Variants in ZFHX3 observed in about 807,000 individuals in gnomAD.
ZFHX3 encodes the protein zinc finger homeobox 3, also known as zinc finger homeobox protein 3.
Under a neutral mutation model 279.1 loss-of-function variants are expected in ZFHX3, and 42 were observed. That is an observed-to-expected ratio of 0.15 (90% confidence interval 0.12 to 0.19). The LOEUF is 0.19. Ranked by LOEUF, ZFHX3 falls within the 10% of genes least tolerant of loss-of-function variation. ZFHX3 has a pLI of 1.00. For synonymous variants in ZFHX3, 2,293 were observed against 1,957.8 expected, an observed-to-expected ratio of 1.17 and a Z score of -4.52; for missense variants, 4,981 against 4,754.0, an observed-to-expected ratio of 1.05 and a Z score of -1.40.
chr16:73,874,793 G>C lies in ZFHX3; in HGVS notation c.-1608+16858C>G, dbSNP rs1390232716. Among the ~76,000 whole-genome samples the C allele has an allele frequency of 3.3e-5, 5 of 151,940 alleles. No individual in the cohort carries two copies. The East Asian group carries it at 7.7e-4, about 23-fold the overall frequency. On this transcript the variant is annotated intron_variant, in intron 1 of 17. Coordinates refer to the ZFHX3 transcript ENST00000641206. ...CATATTATCCTGCCTTTCTGTTTAG[G>C]GTAGATTAAAGAATTTTTATAAAGA...
intron 1 of ZFHX3, among the ~76,000 whole-genome samples, chr16:73,022,974 T>C (rs1184883877): frequency 6.6e-6 from 1 of 152,170 alleles, no homozygotes; most frequent in East Asian, 1.9e-4. Flanking sequence ...ACGCCTGTAA[T>C]CCCAGCACTC....
At chr16:73,889,506 A>G (rs2030458391) in intron 1 of ZFHX3, among the ~76,000 whole-genome samples, 2 of 152,214 alleles carry the variant, frequency 1.3e-5, no homozygotes, top group African/African-American at 4.8e-5. Flanking sequence ...ATGTGATGAC[A>G]GAGAATGGAA....
intron 2 of ZFHX3, among the ~76,000 whole-genome samples, chr16:73,612,973 T>C (rs2052262743): frequency 6.6e-6 from 1 of 152,182 alleles, no homozygotes; most frequent in Admixed American, 6.6e-5. Context: ...CCATATACTT[T>C]ATTATTCATT....
intron 6 of ZFHX3, chr16:73,143,746 A>C (rs1966853554): frequency 1.5e-6 from 2 of 1,303,686 alleles, no homozygotes; most frequent in Non-Finnish European, 2.0e-6. Context: ...GAAAGCTGGA[A>C]CTCACCTCTC....
chr16:73,648,106 T>A (rs1009463761), intron 2 of ZFHX3, among the ~76,000 whole-genome samples: 8 of 152,196 alleles, frequency 5.3e-5, no homozygotes, highest in Non-Finnish European at 8.8e-5. Context: ...AAATTTAAAA[T>A]ACACACACCC....
At chr16:72,813,614 G>A (rs201187507) in intron 5 of ZFHX3, among the ~76,000 whole-genome samples, 3 of 152,220 alleles carry the variant, frequency 2.0e-5, no homozygotes, top group South Asian at 2.1e-4. Context: ...GTACAAGGAC[G>A]AGCATATTAC....
chr16:73,741,521 G>A (rs1283328733), intron 1 of ZFHX3, among the ~76,000 whole-genome samples: 1 of 152,102 alleles, frequency 6.6e-6, no homozygotes, highest in Non-Finnish European at 1.5e-5. Flanking sequence ...GAAATTGTCC[G>A]GGTGTTTTCT....
intron 3 of ZFHX3, among the ~76,000 whole-genome samples, chr16:73,328,064 T>C (rs543403295): frequency 6.6e-6 from 1 of 152,220 alleles, no homozygotes; most frequent in Non-Finnish European, 1.5e-5. Flanking sequence ...TTTTTAAATT[T>C]AATTTAATTT....
At chr16:73,782,225 G>A (rs1959495518) in intron 1 of ZFHX3, among the ~76,000 whole-genome samples, 1 of 152,154 alleles carries the variant, frequency 6.6e-6, no homozygotes, top group Non-Finnish European at 1.5e-5. Flanking sequence ...GAGAGATAAA[G>A]CTTGAGCCTC....
At chr16:73,127,438 C>G (rs1966588992) in intron 7 of ZFHX3, 1 of 1,305,392 alleles carries the variant, frequency 7.7e-7, no homozygotes, top group African/African-American at 1.5e-5. Context: ...CATCTCTGTT[C>G]CGGAACTGAG....
At chr16:73,248,704 C>A (rs117569697) in intron 5 of ZFHX3, among the ~76,000 whole-genome samples, 2 of 151,878 alleles carry the variant, frequency 1.3e-5, no homozygotes, top group Non-Finnish European at 2.9e-5. Flanking sequence ...GGAGGCTATA[C>A]TGGATGTCTC....
intron 2 of ZFHX3, among the ~76,000 whole-genome samples, chr16:73,536,289 T>C (rs2019900515): frequency 6.6e-6 from 1 of 152,210 alleles, no homozygotes; most frequent in Non-Finnish European, 1.5e-5. Flanking sequence ...AGAAAAAATA[T>C]AATTTTAAAA....
intron 3 of ZFHX3, among the ~76,000 whole-genome samples, chr16:72,920,828 T>C (rs1229893316): frequency 6.6e-6 from 1 of 151,512 alleles, no homozygotes; most frequent in Non-Finnish European, 1.5e-5. Flanking sequence ...TCAGCACTTT[T>C]GGAGGCCAAG....
intron 1 of ZFHX3, among the ~76,000 whole-genome samples, chr16:73,735,625 C>T (rs1422358005): frequency 1.3e-5 from 2 of 152,140 alleles, no homozygotes; most frequent in Non-Finnish European, 2.9e-5. Flanking sequence ...ACCACTATCA[C>T]CAAACAATGA....
chr16:73,431,645 T>A (rs2017914003), intron 3 of ZFHX3, among the ~76,000 whole-genome samples: 1 of 152,228 alleles, frequency 6.6e-6, no homozygotes, highest in Admixed American at 6.5e-5. Context: ...TAATCCCAGT[T>A]TTTATTATTT....
In ZFHX3 at chr16:73,831,931, C is replaced by G. The variant is rs1453933468; in HGVS notation, c.-1608+59720G>C. Among the ~76,000 whole-genome samples, 3 of 152,192 alleles carry G rather than the reference C, an allele frequency of 2.0e-5. No individual in the cohort carries two copies. In the East Asian group the frequency reaches 5.8e-4, roughly 29 times the overall value. ...TTTTTTTGTTTTTGAAATGGAGTCTCTCTCTGTCACCCAGGCTGGAGTGCA... is the reference window on the plus strand; with the variant it reads ...TTTTTTTGTTTTTGAAATGGAGTCTGTCTCTGTCACCCAGGCTGGAGTGCA... On this transcript the variant is annotated intron_variant, in intron 1 of 17. Coordinates refer to the ZFHX3 transcript ENST00000641206.
chr16:73,293,276 G>A (rs2014820636), intron 4 of ZFHX3, among the ~76,000 whole-genome samples: 1 of 152,134 alleles, frequency 6.6e-6, no homozygotes, highest in South Asian at 2.1e-4. Flanking sequence ...AAGAGGCTAT[G>A]AAGGAGACTC....
intron 2 of ZFHX3, among the ~76,000 whole-genome samples, chr16:73,599,782 A>G (rs1046938070): frequency 2.6e-5 from 4 of 152,046 alleles, no homozygotes; most frequent in African/African-American, 7.2e-5. Context: ...ACTGGTGAAT[A>G]CACTTCCACC....
At chr16:73,055,694 G>GCACACA (rs753027373) in intron 1 of ZFHX3, among the ~76,000 whole-genome samples, 1,431 of 138,086 alleles carry the variant, frequency 0.01, 12 homozygotes, top group Non-Finnish European at 0.015. Context: ...GCGCGCGCGC[G>GCACACA]CGCGCACACA....
Sources: allele counts gnomAD v4.1 joint callset (sites outside exome capture counted in the v4.1 genomes callset), GRCh38; gene constraint gnomAD v4.1.1; transcripts MANE v1.5; gene names NCBI Gene and HGNC (gene_info 2026-07-23, HGNC 2026-07-21).